Variants in UBE2D4 observed in about 807,000 individuals in gnomAD.
UBE2D4 encodes ubiquitin-conjugating enzyme E2 D4.
Under a neutral mutation model 23.0 loss-of-function variants are expected in UBE2D4, and 17 were observed. The observed-to-expected ratio is 0.74, with a 90% CI of 0.51 to 1.11. UBE2D4 has a LOEUF of 1.11. UBE2D4 is among the 50% of genes least tolerant of loss of function. UBE2D4 has a pLI of 0.00. For missense variants in UBE2D4, 139 were observed against 181.8 expected, an observed-to-expected ratio of 0.76 and a Z score of 1.35; for synonymous variants, 61 against 69.4, an observed-to-expected ratio of 0.88 and a Z score of 0.60.
rs150651327 is a variant in UBE2D4, at chr7:43,933,520, C to A, written c.25-4911C>A. Among the ~76,000 whole-genome samples the A allele has an allele frequency of 7.9e-3, 1,206 of 152,152 alleles. 16 individuals carry two copies. Among genetic ancestry groups the A allele is most frequent in the African/African-American group, 0.028 (1,143 of 41,486 alleles). On this transcript the variant is annotated intron_variant, in intron 1 of 6. Coordinates refer to ENST00000222402, the MANE Select transcript of UBE2D4 (RefSeq NM_015983.4). ...CTTTGGGAGGCTGAGGCAGGAGGAT[C>A]GCTTGAGGTCAGGAGTTTGAGACCA...
At chr7:43,926,997 G>C (rs886487938) in intron 1 of UBE2D4, among the ~76,000 whole-genome samples, 1 of 152,208 alleles carries the variant, frequency 6.6e-6, no homozygotes, top group Non-Finnish European at 1.5e-5. Context: ...ACAGGGTAGC[G>C]GGGAAGCTGA....
chr7:43,933,843 A>AT (rs774158041), intron 1 of UBE2D4, among the ~76,000 whole-genome samples: 1 of 152,160 alleles, frequency 6.6e-6, no homozygotes, highest in Non-Finnish European at 1.5e-5. Flanking sequence ...CGTCTCTGAA[A>AT]TTGGGATGCT....
At chr7:43,937,195 C>T (rs1267556493) in intron 1 of UBE2D4, among the ~76,000 whole-genome samples, 1 of 152,124 alleles carries the variant, frequency 6.6e-6, no homozygotes, top group Non-Finnish European at 1.5e-5. Context: ...TTTTCCTGCC[C>T]CTGGCTGTTC....
chr7:43,926,705 G>C (rs753930072), intron 1 of UBE2D4, 149 bp downstream of exon 1: 7 of 867,916 alleles, frequency 8.1e-6, no homozygotes, highest in Non-Finnish European at 9.8e-6. Context: ...CTCCCGCGCA[G>C]CCTGAAAAGC....
intron 1 of UBE2D4, among the ~76,000 whole-genome samples, chr7:43,936,935 G>GA (rs1401336349): frequency 1.3e-5 from 2 of 152,176 alleles, no homozygotes; most frequent in Admixed American, 6.5e-5. Flanking sequence ...TTCGATGTGT[G>GA]AGTGGACTAG....
At chr7:43,926,800 C>T (rs1326195826) in intron 1 of UBE2D4, among the ~76,000 whole-genome samples, 1 of 152,232 alleles carries the variant, frequency 6.6e-6, no homozygotes, top group Non-Finnish European at 1.5e-5. Flanking sequence ...GGCGGGGCGC[C>T]GTGGGGCCAC....
chr7:43,935,969 C>T (rs1200205697), intron 1 of UBE2D4, among the ~76,000 whole-genome samples: 1 of 152,184 alleles, frequency 6.6e-6, no homozygotes, highest in Non-Finnish European at 1.5e-5. Context: ...TGGCATCACC[C>T]TCTAAAGCGA....
intron 1 of UBE2D4, among the ~76,000 whole-genome samples, chr7:43,932,984 G>GTATATATATATATATATATATATA (rs57093593): frequency 2.3e-5 from 2 of 85,794 alleles, no homozygotes; most frequent in African/African-American, 8.8e-5. Context: ...AAATGTTAAA[G>GTATATATATATATATATATATATA]TATATATATA....
At chr7:43,952,203 CG>C (rs2096004268) in intron 6 of UBE2D4, 1 of 159,934 alleles carries the variant, frequency 6.3e-6, no homozygotes, top group Non-Finnish European at 1.4e-5. Flanking sequence ...CACAGAGGGG[CG>C]GAACAGCTGC....
intron 5 of UBE2D4, chr7:43,949,014 A>AT (rs536055926): frequency 5.0e-4 from 218 of 440,106 alleles, no homozygotes; most frequent in African/African-American, 4.2e-3. Flanking sequence ...TTCTACTTAT[A>AT]TTTTTTTATC....
At chr7:43,933,132 A>G (rs373232721) in intron 1 of UBE2D4, among the ~76,000 whole-genome samples, 26 of 149,892 alleles carry the variant, frequency 1.7e-4, no homozygotes, top group African/African-American at 5.4e-4. Context: ...GTGTGTATAT[A>G]CATATACGTA....
chr7:43,929,442 A>AT (rs1344673966), intron 1 of UBE2D4, among the ~76,000 whole-genome samples: 11 of 150,070 alleles, frequency 7.3e-5, no homozygotes, highest in Non-Finnish European at 1.5e-4. Context: ...AAAAAAAAAA[A>AT]GTAAATAAAA....
At chr7:43,943,105 T>G (rs769533912) in intron 4 of UBE2D4, 74 bp downstream of exon 4, 3 of 1,481,200 alleles carry the variant, frequency 2.0e-6, no homozygotes, top group Non-Finnish European at 2.8e-6. Flanking sequence ...TCAAGTCAGG[T>G]ATAGGTAAAA....
At chr7:43,938,542 C>G in intron 2 of UBE2D4, 48 bp downstream of exon 2, 1 of 1,585,212 alleles carries the variant, frequency 6.3e-7, no homozygotes, top group South Asian at 1.1e-5. Flanking sequence ...TTAATTAAGA[C>G]CCCCCAACTT....
intron 4 of UBE2D4, among the ~76,000 whole-genome samples, chr7:43,948,367 G>T (rs2095993258): frequency 6.6e-6 from 1 of 152,170 alleles, no homozygotes; most frequent in Non-Finnish European, 1.5e-5. Context: ...ATTCCTCAGA[G>T]CATACTGCTT....
At chr7:43,945,486 T>A (rs907235924) in intron 4 of UBE2D4, among the ~76,000 whole-genome samples, 8 of 152,126 alleles carry the variant, frequency 5.3e-5, no homozygotes, top group Admixed American at 2.0e-4. Context: ...TTTCTGACAA[T>A]AGGAGGAATC....
rs187120915 is a variant in UBE2D4 at position 43,954,908 on chromosome 7, G to A, written c.*2213G>A. 2.0e-4 allele frequency: 31 copies of A among 152,332 alleles called. No individual in the cohort carries two copies. Among genetic ancestry groups the A allele is most frequent in the African/African-American group, 7.0e-4 (29 of 41,580 alleles). 9.4% of individuals were successfully genotyped at this position (152,332 alleles called of 1,614,324 possible). On this transcript the variant is annotated 3_prime_UTR_variant, in exon 7 of 7. Coordinates refer to ENST00000222402, the MANE Select transcript of UBE2D4 (RefSeq NM_015983.4). The stretch of plus-strand genomic sequence containing the variant: ...CTCTGGTCTTTCAAGTGTAGTAGCT[G>A]ATGATTCCCAAGAAACTGATGAATT...
chr7:43,938,964 GC>G lies in UBE2D4; in HGVS notation c.88+471del, dbSNP rs1366690739. 2.0e-5 allele frequency among the ~76,000 whole-genome samples: 3 copies of G among 152,360 alleles called. No homozygotes were observed. In the East Asian group the frequency reaches 5.8e-4, roughly 29 times the overall value. ...TTGAGGTCTAGGCCATGAGTTCACA[GC>G]AGCTTGGCTGGTCAGCTTATACTCA... On this transcript the variant is annotated intron_variant, in intron 2 of 6. Coordinates refer to ENST00000222402, the MANE Select transcript of UBE2D4 (RefSeq NM_015983.4).
chr7:43,953,185 T>C lies in UBE2D4; in HGVS notation c.*490T>C. 1 of 456,362 alleles carries C rather than the reference T, an allele frequency of 2.2e-6. No homozygotes were observed. Among genetic ancestry groups the C allele is most frequent in the South Asian group, 1.5e-5 (1 of 64,544 alleles). The allele number at this position is 456,362 out of a possible 1,614,324, so 28.3% of individuals were successfully genotyped here. On this transcript the variant is annotated 3_prime_UTR_variant, in exon 7 of 7. Transcript: ENST00000222402. ...TGCTGCAGAACCACATCCTGAGGAG[T>C]CTCAGCTTATCCTGGAGGGAATTGG... is the stretch of plus-strand genomic sequence containing the variant.
Sources: allele counts gnomAD v4.1 joint callset (sites outside exome capture counted in the v4.1 genomes callset), GRCh38; gene constraint gnomAD v4.1.1; transcripts MANE v1.5; gene names NCBI Gene and HGNC (gene_info 2026-07-23, HGNC 2026-07-21).